Variants in SOX6 observed in about 807,000 individuals in gnomAD.
SOX6 encodes the protein SRY-box transcription factor 6, also known as transcription factor SOX-6.
Under a neutral mutation model 97.8 loss-of-function variants are expected in SOX6, and 11 were observed. The observed-to-expected ratio is 0.11, with a 90% confidence interval of 0.07 to 0.19. The LOEUF is 0.19. Ranked by LOEUF, SOX6 falls within the 10% of genes least tolerant of loss-of-function variation. SOX6 has a pLI of 1.00. For missense variants in SOX6, 810 were observed against 1,039.5 expected (o/e 0.78, Z 3.04); for synonymous variants, 360 against 371.4 (o/e 0.97, Z 0.35).
At chr11:16,526,471 C>T (rs12786848) in intron 4 of SOX6, among the ~76,000 whole-genome samples, 58,638 of 149,048 alleles carry the variant, frequency 0.39, 12,204 homozygotes, top group African/African-American at 0.53. Flanking sequence ...CATCACACTC[C>T]GGGGCCTGTT....
chr11:16,355,851 G>A (rs140559836), intron 1 of SOX6, among the ~76,000 whole-genome samples: 5 of 151,884 alleles, frequency 3.3e-5, no homozygotes, highest in East Asian at 1.9e-4. Flanking sequence ...ACAAATAAAG[G>A]TATGCATATT....
At chr11:15,973,550 T>A (rs1488158647) in intron 15 of SOX6, among the ~76,000 whole-genome samples, 1 of 152,194 alleles carries the variant, frequency 6.6e-6, no homozygotes, top group Non-Finnish European at 1.5e-5. Context: ...TTCACCTTGG[T>A]TTGAGAAATG....
At chr11:16,444,048 T>C (rs574059764) in intron 1 of SOX6, among the ~76,000 whole-genome samples, 2 of 152,034 alleles carry the variant, frequency 1.3e-5, no homozygotes, top group Non-Finnish European at 2.9e-5. Context: ...CGACCTTTTT[T>C]TAAGTATTTT....
chr11:16,093,765 C>T (rs1363393453), intron 9 of SOX6, among the ~76,000 whole-genome samples: 1 of 151,822 alleles, frequency 6.6e-6, no homozygotes, highest in African/African-American at 2.4e-5. Flanking sequence ...GGGGAGAAGA[C>T]CCTAGCTAGA....
intron 4 of SOX6, among the ~76,000 whole-genome samples, chr11:16,520,399 C>G (rs1565170261): frequency 6.6e-6 from 1 of 152,160 alleles, no homozygotes; most frequent in Non-Finnish European, 1.5e-5. Flanking sequence ...GGGGTTGTTT[C>G]TATCTTCTGC....
intron 7 of SOX6, among the ~76,000 whole-genome samples, chr11:16,102,678 G>T (rs1256886360): frequency 6.6e-6 from 1 of 151,792 alleles, no homozygotes; most frequent in African/African-American, 2.4e-5. Context: ...ATGAAAATAG[G>T]CACATAGACC....
intron 4 of SOX6, among the ~76,000 whole-genome samples, chr11:16,544,919 A>C (rs1034089395): frequency 1.3e-5 from 2 of 152,102 alleles, no homozygotes; most frequent in Non-Finnish European, 2.9e-5. Flanking sequence ...ATATAAAAGG[A>C]TACAGTTAAA....
At chr11:16,175,580 T>C (rs1851161364) in intron 6 of SOX6, among the ~76,000 whole-genome samples, 1 of 151,956 alleles carries the variant, frequency 6.6e-6, no homozygotes, top group Non-Finnish European at 1.5e-5. Flanking sequence ...TTTGTTTATA[T>C]GTACAAATTT....
chr11:16,451,983 A>AAACTAAAT (rs140349010), intron 1 of SOX6, among the ~76,000 whole-genome samples: 18 of 143,906 alleles, frequency 1.3e-4, no homozygotes, highest in African/African-American at 4.7e-4. Context: ...ACCCTATCTA[A>AAACTAAAT]AAATAAATAA....
chr11:16,120,265 C>T lies in SOX6; in HGVS notation c.778-8342G>A, dbSNP rs1849455923. Among the ~76,000 whole-genome samples, 5 of 150,002 alleles carry T rather than the reference C, an allele frequency of 3.3e-5. No individual in the cohort carries two copies. The Admixed American group carries it at 3.4e-4, about 10-fold the overall frequency. ...CTCCTCTCTCTCTCTCTCTCTGTCT[C>T]TCATAACTTCTCCTCTTCCCTCTTC... On this transcript the variant is annotated intron_variant, in intron 6 of 15. Coordinates refer to ENST00000683767, the MANE Select transcript of SOX6 (RefSeq NM_001367873.1).
At chr11:16,192,055 G>A (rs1455979510) in intron 4 of SOX6, among the ~76,000 whole-genome samples, 5 of 152,034 alleles carry the variant, frequency 3.3e-5, no homozygotes, top group African/African-American at 1.2e-4. Flanking sequence ...AATAGAGCCT[G>A]TCAGCCCACA....
chr11:16,382,737 T>C (rs297339), intron 1 of SOX6, among the ~76,000 whole-genome samples: 103,944 of 151,682 alleles, frequency 0.69, 35,815 homozygotes, highest in Non-Finnish European at 0.72. Context: ...TTAGGTGTTT[T>C]TGTGCTTAGA....
chr11:16,062,831 C>T (rs1170689381), intron 9 of SOX6, among the ~76,000 whole-genome samples: 1 of 151,568 alleles, frequency 6.6e-6, no homozygotes, highest in Non-Finnish European at 1.5e-5. Flanking sequence ...TTGGTAAGCT[C>T]AACAATGAGA....
chr11:16,324,877 T>C (rs902671303), intron 2 of SOX6, among the ~76,000 whole-genome samples: 1 of 152,124 alleles, frequency 6.6e-6, no homozygotes, highest in Non-Finnish European at 1.5e-5. Flanking sequence ...ATGTGAGAAG[T>C]AGTGAATAGA....
chr11:16,155,354 G>T (rs1316783173), intron 6 of SOX6, among the ~76,000 whole-genome samples: 1 of 152,090 alleles, frequency 6.6e-6, no homozygotes, highest in Non-Finnish European at 1.5e-5. Context: ...TCACTTTTGT[G>T]ATCTATAAAA....
chr11:16,297,165 A>G (rs906344330), intron 3 of SOX6, among the ~76,000 whole-genome samples: 1 of 152,170 alleles, frequency 6.6e-6, no homozygotes, highest in Non-Finnish European at 1.5e-5. Context: ...TTCATAAAGT[A>G]ATAATCATCT....
intron 4 of SOX6, among the ~76,000 whole-genome samples, chr11:16,546,213 T>A (rs1210930520): frequency 6.6e-6 from 1 of 152,098 alleles, no homozygotes; most frequent in East Asian, 1.9e-4. Flanking sequence ...CATAAATAAA[T>A]GGAAAGGCAT....
chr11:16,200,284 C>G (rs1198663755), intron 4 of SOX6, among the ~76,000 whole-genome samples: 2 of 152,188 alleles, frequency 1.3e-5, no homozygotes, highest in Non-Finnish European at 2.9e-5. Context: ...ATTTTGTACA[C>G]CCTTACTAGC....
intron 10 of SOX6, among the ~76,000 whole-genome samples, chr11:16,053,209 A>T (rs958327101): frequency 2.6e-5 from 4 of 152,168 alleles, no homozygotes; most frequent in Non-Finnish European, 5.9e-5. Flanking sequence ...TGCCTGCCTC[A>T]CTTGTTTCTC....
Sources: allele counts gnomAD v4.1 joint callset (sites outside exome capture counted in the v4.1 genomes callset), GRCh38; gene constraint gnomAD v4.1.1; transcripts MANE v1.5; gene names NCBI Gene and HGNC (gene_info 2026-07-23, HGNC 2026-07-21).